Variants in CHID1 observed in about 807,000 individuals in gnomAD.
CHID1 encodes the protein chitinase domain-containing protein 1.
CHID1 carries 44 observed loss-of-function variants against 55.4 expected under a neutral mutation model. The ratio of observed to expected loss-of-function variants is 0.79; its 90% CI spans 0.62 to 1.02. The LOEUF is 1.02. CHID1 is among the 50% of genes least tolerant of loss of function. The pLI, the probability that CHID1 is intolerant of heterozygous loss-of-function variation, is 0.00. For missense variants in CHID1, 491 were observed against 515.3 expected, an observed-to-expected ratio of 0.95 and a Z score of 0.46; for synonymous variants, 216 against 212.9, an observed-to-expected ratio of 1.01 and a Z score of -0.13.
chr11:870,656 G>T, intron 10 of CHID1, 157 bp from the exon 11 acceptor site: 1 of 612,258 alleles, frequency 1.6e-6, no homozygotes, highest in Non-Finnish European at 2.9e-6. Flanking sequence ...GGTGGCCAGA[G>T]CCCCAGGCCG....
At position 883,156 on chromosome 11, in the gene CHID1, G is replaced by A. The variant is rs139469923; in HGVS notation, c.951C>T (p.Val317=). The change falls in exon 10 of 13, where the codon GTC becomes GTT. Residue 317 remains valine, a synonymous_variant. Transcript: ENST00000323578. ...ATSKDAREPV[V]GARYIQTLKD... ...GAGAGCCCTTGGCTCACCTGGCCCC[G>A]ACAACAGGCTCACGGGCATCCTTGG... The A allele has an allele frequency of 1.9e-4, 305 of 1,610,072 alleles. No homozygotes were observed. Among genetic ancestry groups the A allele is most frequent in the Non-Finnish European group, 2.3e-4 (272 of 1,176,856 alleles).
chr11:875,548 C>A lies in CHID1; in HGVS notation c.960-5049G>T, dbSNP rs562147922. 2.4e-4 allele frequency among the ~76,000 whole-genome samples: 36 copies of A among 152,220 alleles called. No individual in the cohort carries two copies. Among genetic ancestry groups the A allele is most frequent in the Non-Finnish European group, 3.8e-4 (26 of 68,008 alleles). ...CTCCTCGTCACTGGCTATCGGAGAG[C>A]GCTGGGGTGTTAGGAGAACACGGTG... is the stretch of plus-strand genomic sequence containing the variant. On this transcript the variant is annotated intron_variant, in intron 10 of 12. Transcript: ENST00000323578. The surrounding 1 kb of genome is among the most constrained non-coding windows in gnomAD (Gnocchi z 4.7).
rs887203238 is a variant in CHID1, at chr11:899,293, A to G, written c.608+47T>C. 3.2e-6 allele frequency: 5 copies of G among 1,551,236 alleles called. No individual in the cohort carries two copies. The African/African-American group carries it at 5.4e-5, about 17-fold the overall frequency. Reference sequence around the variant, plus strand: ...GTCTTTCCTCCAGCCTCCTTCAAACACCAGGGCCAGGAGGAGGGCCACCCA... The same window carrying G: ...GTCTTTCCTCCAGCCTCCTTCAAACGCCAGGGCCAGGAGGAGGGCCACCCA... On this transcript the variant is annotated intron_variant, in intron 7 of 12. Coordinates refer to ENST00000323578, the MANE Select transcript of CHID1 (RefSeq NM_023947.4).
intron 1 of CHID1, among the ~76,000 whole-genome samples, chr11:910,351 T>G (rs991062009): frequency 6.6e-6 from 1 of 152,120 alleles, no homozygotes. Flanking sequence ...GGGGACCCGA[T>G]GGCCACCACT....
intron 8 of CHID1, among the ~76,000 whole-genome samples, chr11:890,414 C>G (rs923946596): frequency 6.6e-6 from 1 of 152,246 alleles, no homozygotes; most frequent in Non-Finnish European, 1.5e-5. Flanking sequence ...ATAGCGATGG[C>G]CGGCCCTGAA....
intron 5 of CHID1, 91 bp downstream of exon 5, chr11:900,845 T>G: frequency 2.8e-6 from 3 of 1,065,448 alleles, no homozygotes; most frequent in Non-Finnish European, 4.1e-6. Flanking sequence ...CACAGCCGGG[T>G]GATCAGGAAC....
intron 10 of CHID1, among the ~76,000 whole-genome samples, chr11:879,114 G>C (rs1164330319): frequency 6.6e-6 from 1 of 152,170 alleles, no homozygotes; most frequent in African/African-American, 2.4e-5. Context: ...CCAAAGTGCT[G>C]GGATTACAGG....
At chr11:914,978 T>C, upstream of CHID1, 1 of 194,108 alleles carries the variant, frequency 5.2e-6, no homozygotes, top group Admixed American at 5.9e-5. Flanking sequence ...CCACTATTGC[T>C]GACCACGTCC....
At position 883,160 on chromosome 11, in the gene CHID1, AC is replaced by A. The variant is rs770744551; in HGVS notation, c.946del (p.Val316LeufsTer10). 2 of 1,611,404 alleles carry A rather than the reference AC, an allele frequency of 1.2e-6. No homozygotes were observed. The highest frequency in any genetic ancestry group is 1.1e-5 in the South Asian group (1 of 91,048). On this transcript the variant is annotated frameshift_variant, in exon 10 of 13. Coordinates refer to ENST00000323578, the MANE Select transcript of CHID1 (RefSeq NM_023947.4). LOFTEE classifies it high-confidence loss of function. Reference sequence around the variant, plus strand: ...GCCCTTGGCTCACCTGGCCCCGACAACAGGCTCACGGGCATCCTTGGAGGTC... The same window carrying A: ...GCCCTTGGCTCACCTGGCCCCGACAAAGGCTCACGGGCATCCTTGGAGGTC... ...YATSKDAREPVVGARYIQTLK... is the reference protein window; with the variant it reads ...YATSKDAREPXVGARYIQTLK...
chr11:914,656 A>C, upstream of CHID1: 1 of 908,406 alleles, frequency 1.1e-6, no homozygotes, highest in East Asian at 6.4e-5. Context: ...CCAGGACATC[A>C]AGGCTGCAGT....
chr11:899,258 C>A, intron 7 of CHID1, 82 bp downstream of exon 7: 1 of 1,418,598 alleles, frequency 7.0e-7, no homozygotes, highest in South Asian at 1.2e-5. Context: ...AGGCCCTCCC[C>A]AAACCCCTGG....
intron 1 of CHID1, among the ~76,000 whole-genome samples, chr11:909,211 G>A (rs187215823): frequency 9.2e-5 from 14 of 152,318 alleles, no homozygotes; most frequent in Admixed American, 2.6e-4. Flanking sequence ...TCTGAGGCCC[G>A]TGAGGACACT....
intron 1 of CHID1, among the ~76,000 whole-genome samples, chr11:909,342 A>G (rs1364562879): frequency 6.6e-6 from 1 of 152,168 alleles, no homozygotes; most frequent in Non-Finnish European, 1.5e-5. Context: ...CCCGCACACA[A>G]AGGGAATGTG....
chr11:908,704 GC>G, intron 1 of CHID1: 1 of 711,718 alleles, frequency 1.4e-6, no homozygotes, highest in Non-Finnish European at 1.7e-6. Context: ...CAGGGGACTG[GC>G]CCAGGAGTAA....
intron 11 of CHID1, 57 bp from the exon 12 acceptor site, chr11:870,220 C>G: frequency 1.9e-6 from 3 of 1,608,412 alleles, no homozygotes; most frequent in Non-Finnish European, 2.6e-6. Flanking sequence ...GCCTCCTCCC[C>G]TCACAGCCAA....
chr11:889,187 C>T (rs550593320), intron 8 of CHID1, among the ~76,000 whole-genome samples: 6 of 152,116 alleles, frequency 3.9e-5, no homozygotes, highest in African/African-American at 7.2e-5. Context: ...CGAGGGGAGA[C>T]GGTGACACGA....
rs529596274 is a variant in CHID1, at chr11:878,216, C to A, written c.959+4932G>T. Among the ~76,000 whole-genome samples, 4 of 152,342 alleles carry A rather than the reference C, an allele frequency of 2.6e-5. No individual in the cohort carries two copies. In the East Asian group the frequency reaches 7.7e-4, roughly 29 times the overall value. On this transcript the variant is annotated intron_variant, in intron 10 of 12. Coordinates refer to ENST00000323578, the MANE Select transcript of CHID1 (RefSeq NM_023947.4). ...ATCACTTGAGGTCAGGAGTTTGAGA[C>A]CAGCCTGGCCGACATAGCAAAACCC...
At chr11:913,623 A>C (rs1852808277), upstream of CHID1, among the ~76,000 whole-genome samples, 1 of 151,862 alleles carries the variant, frequency 6.6e-6, no homozygotes, top group Admixed American at 6.6e-5. Context: ...AATACAAAAA[A>C]GTAGCCGGGC....
Position 870,541 on chromosome 11 carries a change from C to T in CHID1, c.960-42G>A, listed in dbSNP as rs781374934. 38 of 1,375,130 alleles carry T rather than the reference C, an allele frequency of 2.8e-5. No homozygotes were observed. The South Asian group carries it at 4.4e-4, about 16-fold the overall frequency. 85.2% of individuals were successfully genotyped at this position (1,375,130 alleles called of 1,614,324 possible). A position where few individuals can be genotyped will look rare whatever the true frequency, so the allele number is the denominator to read the frequency against. On this transcript the variant is annotated intron_variant, in intron 10 of 12. Coordinates refer to ENST00000323578, the MANE Select transcript of CHID1 (RefSeq NM_023947.4). ...ATGGATTTGGGAGCCCACCCAGCTC[C>T]CCCACAGCCCCACCCTGTACCCCCA...
Sources: gnomAD v4.1 joint callset for allele counts (sites outside exome capture counted in the v4.1 genomes callset) on GRCh38, gnomAD v4.1.1 for gene constraint, Gnocchi (gnomAD v3.1) non-coding constraint, MANE v1.5 for transcripts, NCBI Gene and HGNC (gene_info 2026-07-23, HGNC 2026-07-21) for gene names.